The following PELI1 variants were observed in gnomAD, a reference collection of about 807,000 sequenced individuals.
The protein encoded by PELI1 is E3 ubiquitin-protein ligase pellino homolog 1.
Under a neutral mutation model 41.3 loss-of-function variants are expected in PELI1, and 15 were observed. That is an observed-to-expected ratio of 0.36 (90% CI 0.24 to 0.56). The LOEUF is 0.56. Among genes scored for constraint, PELI1 ranks in the 20% least tolerant of loss-of-function variants. The pLI is 0.82. For missense variants in PELI1, 403 were observed against 525.5 expected (o/e 0.77, Z 2.28); for synonymous variants, 178 against 180.1 (o/e 0.99, Z 0.09).
At position 64,093,909 on chromosome 2, in the gene PELI1, A is replaced by AATAG. The variant is rs1680133862; in HGVS notation, c.*789_*792dup. On this transcript the variant is annotated 3_prime_UTR_variant, in exon 7 of 7. Transcript: ENST00000358912. ...AACAGATTAGTTATCATGGGAGAAA[A>AATAG]ATAGATAATCTAGATTAAATTGCAT... 6.5e-6 allele frequency: 1 copy of AATAG among 152,674 alleles called. No homozygotes were observed. The highest frequency in any genetic ancestry group is 1.5e-5 in the Non-Finnish European group (1 of 68,042). The allele number at this position is 152,674 out of a possible 1,614,324, so 9.5% of individuals were successfully genotyped here. A position where few individuals can be genotyped will look rare whatever the true frequency, so the allele number is the denominator to read the frequency against.
At chr2:64,114,808 A>G (rs1487326003) in intron 1 of PELI1, among the ~76,000 whole-genome samples, 3 of 152,080 alleles carry the variant, frequency 2.0e-5, no homozygotes, top group Non-Finnish European at 4.4e-5. Flanking sequence ...TGTGACTTTA[A>G]AAATGCCTCA....
Position 64,144,341 on chromosome 2 carries a change from GGCTGCTGCC to G in PELI1, c.-339_-331del, listed in dbSNP as rs1201027110. On this transcript the variant is annotated 5_prime_UTR_variant, in exon 1 of 7. Coordinates refer to ENST00000358912, the MANE Select transcript of PELI1 (RefSeq NM_020651.4). ...CAATTCGACCGCACCGCGGGACTAG[GGCTGCTGCC>G]GCTGCTGCTAGTGGAGGCGGCGGCG... 2 of 152,310 alleles carry G rather than the reference GGCTGCTGCC, an allele frequency of 1.3e-5. No individual in the cohort carries two copies. Among genetic ancestry groups the G allele is most frequent in the Admixed American group, 1.3e-4 (2 of 15,154 alleles). 9.4% of individuals were successfully genotyped at this position (152,310 alleles called of 1,614,324 possible). A position where few individuals can be genotyped will look rare whatever the true frequency, so the allele number is the denominator to read the frequency against.
At chr2:64,139,526 C>T (rs1681826494) in intron 1 of PELI1, among the ~76,000 whole-genome samples, 1 of 152,186 alleles carries the variant, frequency 6.6e-6, no homozygotes, top group Admixed American at 6.5e-5. Context: ...AACTCCTGGA[C>T]AAGAGGGATC....
rs1045382645 is a variant in PELI1 at position 64,093,705 on chromosome 2, A to G, written c.*997T>C. 1.3e-5 allele frequency: 2 copies of G among 152,670 alleles called. No homozygotes were observed. The highest frequency in any genetic ancestry group is 4.8e-5 in the African/African-American group (2 of 41,468). 9.5% of individuals were successfully genotyped at this position (152,670 alleles called of 1,614,324 possible). On this transcript the variant is annotated 3_prime_UTR_variant, in exon 7 of 7. Coordinates refer to ENST00000358912, the MANE Select transcript of PELI1 (RefSeq NM_020651.4). ...TCTCTAGATTTCCTAATGCCCGAAT[A>G]AGGCCAAATACAGAATAATTAATTA... is the stretch of plus-strand genomic sequence containing the variant.
chr2:64,129,161 T>C (rs1681476418), intron 1 of PELI1, among the ~76,000 whole-genome samples: 1 of 152,218 alleles, frequency 6.6e-6, no homozygotes, highest in Admixed American at 6.5e-5. Context: ...TAAAGGTTTA[T>C]TTTGTTTTGA....
chr2:64,096,146 C>T lies in PELI1; in HGVS notation c.669G>A (p.Ser223=), dbSNP rs764485178. ...GNVFSLRETR[S]AQQRGKMVEI... ...TTACCATTTTTCCTCTCTGCTGAGC[C>T]GATCTGGTTTCACGTAGGCTAAATA... The change falls in exon 6 of 7, where the codon TCG becomes TCA. Residue 223 remains serine (S), a synonymous_variant. Transcript: ENST00000358912. The T allele has an allele frequency of 1.3e-5, 21 of 1,613,288 alleles. No homozygotes were observed. Among genetic ancestry groups the T allele is most frequent in the African/African-American group, 4.0e-5 (3 of 74,874 alleles).
chr2:64,143,188 G>A (rs1681969146), intron 1 of PELI1: 1 of 152,212 alleles, frequency 6.6e-6, no homozygotes, highest in Non-Finnish European at 1.5e-5. Flanking sequence ...AAAAATAAAA[G>A]TAGATGGTGA....
At chr2:64,135,997 T>C (rs900165286) in intron 1 of PELI1, among the ~76,000 whole-genome samples, 2 of 152,256 alleles carry the variant, frequency 1.3e-5, no homozygotes, top group African/African-American at 4.8e-5. Flanking sequence ...CTTCCTTTCC[T>C]TCCTTCTCTT....
intron 1 of PELI1, among the ~76,000 whole-genome samples, chr2:64,117,415 G>A (rs529988833): frequency 4.0e-5 from 6 of 151,578 alleles, no homozygotes; most frequent in African/African-American, 1.5e-4. Flanking sequence ...AAGAAACATT[G>A]CACTTAGTTT....
intron 1 of PELI1, among the ~76,000 whole-genome samples, chr2:64,111,283 T>G (rs1426364225): frequency 6.6e-6 from 1 of 152,152 alleles, no homozygotes; most frequent in Non-Finnish European, 1.5e-5. Context: ...CAACAGGGAA[T>G]GTATGTAGCC....
Position 64,094,788 on chromosome 2 carries a change from A to T in PELI1, c.1171T>A (p.Phe391Ile). The change falls in exon 7 of 7, where the codon TTT (phenylalanine) becomes ATT (isoleucine). Residue 391 changes from phenylalanine to isoleucine, a missense_variant. By Grantham distance (21) the Phe-to-Ile change is conservative. Coordinates refer to ENST00000358912, the MANE Select transcript of PELI1 (RefSeq NM_020651.4). ...GCACAAAAGGGACAGGCTGCATGAA[A>T]AGTATGAGTACCATGAGGAAGTGGG... ...QIPLPHGTHT[F>I]HAACPFCAHQ... 1.2e-6 allele frequency: 2 copies of T among 1,614,188 alleles called. No homozygotes were observed. The highest frequency in any genetic ancestry group is 1.7e-6 in the Non-Finnish European group (2 of 1,180,028).
intron 1 of PELI1, among the ~76,000 whole-genome samples, chr2:64,117,017 G>GGGGTGCCCTGAAT (rs1681018737): frequency 1.3e-5 from 2 of 152,076 alleles, no homozygotes; most frequent in Non-Finnish European, 2.9e-5. Flanking sequence ...TCCATATAAG[G>GGGGTGCCCTGAAT]TGGTACACTT....
At chr2:64,129,123 T>C (rs1681475509) in intron 1 of PELI1, among the ~76,000 whole-genome samples, 1 of 152,182 alleles carries the variant, frequency 6.6e-6, no homozygotes, top group Non-Finnish European at 1.5e-5. Context: ...CCACCCTTTT[T>C]TGGTATCAAT....
intron 1 of PELI1, among the ~76,000 whole-genome samples, chr2:64,111,987 T>C (rs987393302): frequency 6.6e-6 from 1 of 152,172 alleles, no homozygotes; most frequent in Admixed American, 6.5e-5. Flanking sequence ...CAATTAAATT[T>C]AAATTAATTT....
chr2:64,127,903 T>A (rs1681440190), intron 1 of PELI1, among the ~76,000 whole-genome samples: 1 of 152,204 alleles, frequency 6.6e-6, no homozygotes, highest in Admixed American at 6.6e-5. Context: ...GTTTATCTAT[T>A]CTTTTTCCAA....
rs1459892429 is a variant in PELI1, at chr2:64,108,242, T to G, written c.69A>C (p.Leu23Phe). The change falls in exon 2 of 7, where the codon TTA becomes TTC. Residue 23 changes from leucine to phenylalanine, a missense_variant and splice_region_variant. Transcript: ENST00000358912. ...GTCATCAAATGGAGAAACCTTACCC[T>G]AAGACAATGAGTTCACCATATTTTA... The part of the protein sequence containing the change: ...APVKYGELIV[L>F]GYNGSLPNGD... 1.9e-6 allele frequency: 3 copies of G among 1,547,548 alleles called. No homozygotes were observed. The highest frequency in any genetic ancestry group is 1.4e-5 in the African/African-American group (1 of 73,664).
intron 2 of PELI1, 70 bp downstream of exon 2, chr2:64,108,170 C>T: frequency 1.2e-6 from 1 of 834,992 alleles, no homozygotes; most frequent in African/African-American, 1.7e-5. Flanking sequence ...AAAAAAAGTA[C>T]TTTTAGCCTA....
rs145397603 is a variant in PELI1, at chr2:64,096,161, T to C, written c.654A>G (p.Leu218=). Reference sequence around the variant, plus strand: ...TCTGCTGAGCCGATCTGGTTTCACGTAGGCTAAATACATTTCCACACACCG... The same window carrying C: ...TCTGCTGAGCCGATCTGGTTTCACGCAGGCTAAATACATTTCCACACACCG... ...EISVCGNVFS[L]RETRSAQQRG... is the part of the protein sequence containing the mutation. The change falls in exon 6 of 7, where the codon CTA becomes CTG. Residue 218 remains leucine, a synonymous_variant. Transcript: ENST00000358912. The C allele has an allele frequency of 4.9e-5, 79 of 1,614,076 alleles. No homozygotes were observed. In the East Asian group the frequency reaches 1.6e-3, roughly 33 times the overall value.
chr2:64,099,165 T>TACACATACACAC (rs1680339623), intron 4 of PELI1, among the ~76,000 whole-genome samples: 1 of 144,802 alleles, frequency 6.9e-6, no homozygotes, highest in Non-Finnish European at 1.5e-5. Context: ...ATCTTGGAGA[T>TACACATACACAC]ACACACACAC....
Sources: allele counts gnomAD v4.1 joint callset (sites outside exome capture counted in the v4.1 genomes callset), GRCh38; gene constraint gnomAD v4.1.1; transcripts MANE v1.5; gene names NCBI Gene and HGNC (gene_info 2026-07-23, HGNC 2026-07-21).